Variants in LTF observed in about 807,000 individuals in gnomAD.
LTF encodes the protein lactotransferrin.
A neutral mutation model predicts 87.2 loss-of-function variants in LTF; 91 were observed. The observed-to-expected ratio is 1.04, with a 90% CI of 0.88 to 1.24. The LOEUF is 1.24. Among genes scored for constraint, LTF ranks in the 50% most tolerant of loss-of-function variants. LTF has a pLI of 0.00. For missense variants in LTF, 901 were observed against 904.3 expected (o/e 1.00, Z 0.05); for synonymous variants, 378 against 356.1 (o/e 1.06, Z -0.69).
At position 46,454,333 on chromosome 3, in the gene LTF, C is replaced by T; in HGVS notation, c.675G>A (p.Val225=). Residue 225 remains valine (V), a synonymous_variant, in exon 6 of 17, where the codon GTG becomes GTA. Coordinates refer to ENST00000231751, the MANE Select transcript of LTF (RefSeq NM_002343.6). ...ACACTGTGCTCTCTCTGATAAAAGCCACGTCTCCAGCCCCGTCTCTCAGAC... is the reference window on the plus strand; with the variant it reads ...ACACTGTGCTCTCTCTGATAAAAGCTACGTCTCCAGCCCCGTCTCTCAGAC... The part of the protein sequence containing the change: ...FKCLRDGAGD[V]AFIRESTVFE... 6.2e-7 allele frequency: 1 copy of T among 1,614,134 alleles called. No homozygotes were observed.
intron 1 of LTF, among the ~76,000 whole-genome samples, chr3:46,483,191 G>T (rs181309900): frequency 6.6e-6 from 1 of 152,278 alleles, no homozygotes; most frequent in African/African-American, 2.4e-5. Flanking sequence ...AATCAGAATG[G>T]GGGAAAATTT....
chr3:46,444,086 G>GGTACATGCCTTTC (rs1702588408), intron 12 of LTF, among the ~76,000 whole-genome samples: 7 of 152,200 alleles, frequency 4.6e-5, no homozygotes, highest in African/African-American at 1.4e-4. Flanking sequence ...CAGCTTCTCA[G>GGTACATGCCTTTC]AAACATCCTT....
intron 13 of LTF, 200 bp from the exon 14 acceptor site, chr3:46,441,683 C>T (rs1195683220): frequency 7.8e-6 from 4 of 514,858 alleles, no homozygotes; most frequent in South Asian, 3.0e-5. Flanking sequence ...ATATAAAAGA[C>T]ATTACAAAAC....
chr3:46,474,073 A>T (rs1297655663), intron 1 of LTF, among the ~76,000 whole-genome samples: 1 of 152,258 alleles, frequency 6.6e-6, no homozygotes, highest in East Asian at 1.9e-4. Context: ...AACAGAGAGA[A>T]AAAAATAAAA....
chr3:46,477,732 G>A (rs1223692069), intron 1 of LTF, among the ~76,000 whole-genome samples: 1 of 152,200 alleles, frequency 6.6e-6, no homozygotes, highest in Non-Finnish European at 1.5e-5. Context: ...ATGAATGGAT[G>A]TAAGATTTTC....
intron 10 of LTF, among the ~76,000 whole-genome samples, chr3:46,446,941 C>G (rs973434330): frequency 1.3e-5 from 2 of 152,076 alleles, no homozygotes; most frequent in Non-Finnish European, 2.9e-5. Context: ...AGTAAGGGGG[C>G]GGGGGACAGG....
Position 46,439,799 on chromosome 3 carries a change from G to A in LTF, c.1724-319C>T, listed in dbSNP as rs556030173. On this transcript the variant is annotated intron_variant, in intron 14 of 16. Transcript: ENST00000231751. ...GTCACAAAAGACCACACAATAGGCT[G>A]GGCACGGTGGCTCATGCCTGTAATC... is the stretch of plus-strand genomic sequence containing the variant. Among the ~76,000 whole-genome samples the A allele has an allele frequency of 1.3e-3, 197 of 152,304 alleles. 1 individual carries two copies. Among genetic ancestry groups the A allele is most frequent in the African/African-American group, 4.6e-3 (192 of 41,564 alleles).
intron 6 of LTF, among the ~76,000 whole-genome samples, chr3:46,452,091 C>T (rs1702816688): frequency 6.6e-6 from 1 of 152,170 alleles, no homozygotes; most frequent in Non-Finnish European, 1.5e-5. Flanking sequence ...AAAAGACACA[C>T]TCTTATTTAA....
chr3:46,437,918 A>G (rs550410241), intron 16 of LTF, 22 bp downstream of exon 16: 1 of 1,603,524 alleles, frequency 6.2e-7, no homozygotes, highest in Admixed American at 1.7e-5. Flanking sequence ...TTTCTCGGGG[A>G]TGCTAGCTAG....
chr3:46,474,902 C>T (rs1356874), intron 1 of LTF, among the ~76,000 whole-genome samples: 2,481 of 152,130 alleles, frequency 0.016, 66 homozygotes, highest in African/African-American at 0.056. Flanking sequence ...ATACACTGAA[C>T]TTAATGAGAA....
At position 46,439,313 on chromosome 3, in the gene LTF, C is replaced by T. The variant is rs1280155518; in HGVS notation, c.1891G>A (p.Val631Met). Residue 631 changes from valine to methionine, a missense_variant, in exon 15 of 17, where the codon GTG becomes ATG. Physicochemically the swap from Val to Met is conservative, Grantham distance 21. Coordinates refer to ENST00000231751, the MANE Select transcript of LTF (RefSeq NM_002343.6). ...RMDKVERLKQ[V>M]LLHQQAKFGR... Reference sequence around the variant, plus strand: ...GTCCATACCTGTTGGTGGAGCAACACCTGTTTCAGGCGTTCCACCTTATCC... The same window carrying T: ...GTCCATACCTGTTGGTGGAGCAACATCTGTTTCAGGCGTTCCACCTTATCC... The T allele has an allele frequency of 6.2e-7, 1 of 1,612,608 alleles. No individual in the cohort carries two copies. The highest frequency in any genetic ancestry group is 1.7e-5 in the Admixed American group (1 of 59,734).
In LTF at chr3:46,449,925, A is replaced by T; in HGVS notation, c.986T>A (p.Val329Glu). Residue 329 changes from valine (V) to glutamate (E), a missense_variant, in exon 8 of 17, where the codon GTG becomes GAG. Transcript: ENST00000231751. ...CAGCCCAGAATCTATCCTCGGGGGC[A>T]CCCTCGAAAACCCAATGGCAGAGTC... ...FKDSAIGFSRVPPRIDSGLYL... is the reference protein window; with the variant it reads ...FKDSAIGFSREPPRIDSGLYL... 6.2e-7 allele frequency: 1 copy of T among 1,614,100 alleles called. No homozygotes were observed. Among genetic ancestry groups the T allele is most frequent in the Non-Finnish European group, 8.5e-7 (1 of 1,180,010 alleles).
upstream of LTF, among the ~76,000 whole-genome samples, chr3:46,469,180 GTAC>G (rs1302363750): frequency 2.0e-5 from 3 of 152,214 alleles, no homozygotes; most frequent in Non-Finnish European, 2.9e-5. Flanking sequence ...CTAAAAACAG[GTAC>G]TCTGAGTGTC....
intron 1 of LTF, among the ~76,000 whole-genome samples, chr3:46,460,214 A>C (rs1180495644): frequency 6.6e-6 from 1 of 152,168 alleles, no homozygotes; most frequent in Non-Finnish European, 1.5e-5. Context: ...ACTGATGTGG[A>C]AATTGGCTCC....
At chr3:46,445,034 A>T (rs767762960) in intron 12 of LTF, among the ~76,000 whole-genome samples, 4 of 152,216 alleles carry the variant, frequency 2.6e-5, no homozygotes, top group Non-Finnish European at 5.9e-5. Flanking sequence ...GTGCAGCGAA[A>T]TAGGCAGATA....
At chr3:46,482,225 G>A (rs1218490640) in intron 1 of LTF, among the ~76,000 whole-genome samples, 1 of 152,108 alleles carries the variant, frequency 6.6e-6, no homozygotes, top group Non-Finnish European at 1.5e-5. Context: ...GGAGGCCGAG[G>A]CAGGTGGATT....
intron 1 of LTF, 139 bp downstream of exon 1, chr3:46,464,686 C>G (rs931134065): frequency 1.1e-6 from 1 of 890,342 alleles, no homozygotes; most frequent in African/African-American, 1.7e-5. Flanking sequence ...TCCGGGCCGC[C>G]TCCCGGCTGT....
chr3:46,483,595 T>G (rs555258356), intron 1 of LTF, among the ~76,000 whole-genome samples: 111 of 152,132 alleles, frequency 7.3e-4, no homozygotes, highest in Non-Finnish European at 1.3e-3. Flanking sequence ...GGCCACAAGA[T>G]AGGGGAGTGT....
At chr3:46,484,369 C>T (rs1703489749) in intron 1 of LTF, among the ~76,000 whole-genome samples, 1 of 152,166 alleles carries the variant, frequency 6.6e-6, no homozygotes, top group Admixed American at 6.5e-5. Context: ...ACTGCTTGAT[C>T]CTCAGCCATC....
Sources: gnomAD v4.1 joint callset for allele counts (sites outside exome capture counted in the v4.1 genomes callset) on GRCh38, gnomAD v4.1.1 for gene constraint, MANE v1.5 for transcripts, NCBI Gene and HGNC (gene_info 2026-07-23, HGNC 2026-07-21) for gene names.